Variants in CDKAL1 observed in about 807,000 individuals in gnomAD.
The protein encoded by CDKAL1 is threonylcarbamoyladenosine tRNA methylthiotransferase.
In CDKAL1, 32 loss-of-function variants were observed where a neutral mutation model predicts 68.2. The ratio of observed to expected loss-of-function variants is 0.47; its 90% confidence interval spans 0.35 to 0.63. The LOEUF (loss-of-function observed/expected upper bound fraction) is 0.63, where lower values mean the gene tolerates loss of function less well. Among genes scored for constraint, CDKAL1 ranks in the 30% least tolerant of loss-of-function variants. The pLI is 0.00. For missense variants in CDKAL1, 606 were observed against 696.7 expected, an observed-to-expected ratio of 0.87 and a Z score of 1.47; for synonymous variants, 234 against 244.3, an observed-to-expected ratio of 0.96 and a Z score of 0.39.
chr6:20,907,757 A>C (rs1762295009), intron 9 of CDKAL1, among the ~76,000 whole-genome samples: 1 of 152,118 alleles, frequency 6.6e-6, no homozygotes, highest in Non-Finnish European at 1.5e-5. Context: ...TCAGAAGCTG[A>C]GCACAGCCCA....
At chr6:20,550,503 C>A (rs980943477) in intron 4 of CDKAL1, among the ~76,000 whole-genome samples, 28 of 152,066 alleles carry the variant, frequency 1.8e-4, no homozygotes, top group Admixed American at 6.6e-5. Flanking sequence ...ATTTTCCCTT[C>A]CCCAGTCTTG....
chr6:21,046,724 C>A (rs577934406), intron 11 of CDKAL1, among the ~76,000 whole-genome samples: 12 of 152,266 alleles, frequency 7.9e-5, no homozygotes, highest in Non-Finnish European at 1.6e-4. Flanking sequence ...ATGTGAGTTT[C>A]ACAGGGAAAG....
At chr6:21,135,063 A>G (rs2151025614) in intron 13 of CDKAL1, among the ~76,000 whole-genome samples, 1 of 152,270 alleles carries the variant, frequency 6.6e-6, no homozygotes, top group East Asian at 1.9e-4. Context: ...CTACTGATGT[A>G]GTTCTAGGAA....
rs1278241276 is a variant in CDKAL1, at chr6:20,664,782, G to T, written c.371+15405G>T. Among the ~76,000 whole-genome samples, 3 of 152,062 alleles carry T rather than the reference G, an allele frequency of 2.0e-5. No homozygotes were observed. In the East Asian group the frequency reaches 5.8e-4, roughly 29 times the overall value. ...AAATTCTCTTCTATCTAGGCTGCAAGCTTTTTCTTACTTGTCATTTCAGAT... is the reference window on the plus strand; with the variant it reads ...AAATTCTCTTCTATCTAGGCTGCAATCTTTTTCTTACTTGTCATTTCAGAT... On this transcript the variant is annotated intron_variant, in intron 5 of 15. Coordinates refer to ENST00000274695, the MANE Select transcript of CDKAL1 (RefSeq NM_017774.3).
intron 10 of CDKAL1, among the ~76,000 whole-genome samples, chr6:20,957,354 T>C (rs1384714176): frequency 6.6e-6 from 1 of 152,202 alleles, no homozygotes; most frequent in African/African-American, 2.4e-5. Flanking sequence ...TTGCAGCAGC[T>C]AATACTGTGT....
At chr6:20,693,095 A>G (rs956351537) in intron 5 of CDKAL1, among the ~76,000 whole-genome samples, 1 of 138,456 alleles carries the variant, frequency 7.2e-6, no homozygotes, top group Admixed American at 8.4e-5. Flanking sequence ...GCGCCACTGC[A>G]CTCCAGCCTG....
intron 4 of CDKAL1, among the ~76,000 whole-genome samples, chr6:20,614,127 T>C (rs1766776510): frequency 6.6e-6 from 1 of 152,198 alleles, no homozygotes; most frequent in African/African-American, 2.4e-5. Context: ...TGGGTGACGC[T>C]TACTGATTTG....
At position 20,659,862 on chromosome 6, in the gene CDKAL1, G is replaced by A. The variant is rs76018488; in HGVS notation, c.371+10485G>A. On this transcript the variant is annotated intron_variant, in intron 5 of 15. Coordinates refer to ENST00000274695, the MANE Select transcript of CDKAL1 (RefSeq NM_017774.3). ...CATTATCATTTCTTAGTGTAACAAG[G>A]GTTTTTAAAAAAAATTTGTTCAATG... Among the ~76,000 whole-genome samples the A allele has an allele frequency of 8.7e-3, 1,326 of 152,018 alleles. 23 individuals carry two copies. Among genetic ancestry groups the A allele is most frequent in the African/African-American group, 0.029 (1,198 of 41,436 alleles).
intron 9 of CDKAL1, among the ~76,000 whole-genome samples, chr6:20,858,045 G>T (rs1384898672): frequency 2.0e-5 from 3 of 152,176 alleles, no homozygotes; most frequent in African/African-American, 7.2e-5. Flanking sequence ...TTTTAGTAGA[G>T]ATGGGTTTTT....
At chr6:20,836,913 T>C (rs1777973889) in intron 8 of CDKAL1, among the ~76,000 whole-genome samples, 1 of 152,194 alleles carries the variant, frequency 6.6e-6, no homozygotes, top group African/African-American at 2.4e-5. Flanking sequence ...GTCGCCTTGA[T>C]AGCCAGTGGA....
chr6:20,756,884 CTTCCTT>C (rs1561750363), intron 6 of CDKAL1: 5 of 87,412 alleles, frequency 5.7e-5, no homozygotes, highest in African/African-American at 1.7e-4. Flanking sequence ...TCCTTCCTTC[CTTCCTT>C]CCTTCCTTCC....
intron 13 of CDKAL1, among the ~76,000 whole-genome samples, chr6:21,125,364 CTG>C (rs1774946976): frequency 6.6e-6 from 1 of 152,204 alleles, no homozygotes; most frequent in Non-Finnish European, 1.5e-5. Flanking sequence ...CCATAAGGAA[CTG>C]TGAGTCAATT....
intron 13 of CDKAL1, among the ~76,000 whole-genome samples, chr6:21,142,564 C>T (rs1481394735): frequency 6.6e-6 from 1 of 152,294 alleles, no homozygotes; most frequent in South Asian, 2.1e-4. Flanking sequence ...AGCAACTCAG[C>T]AGGTTATGGG....
At chr6:21,088,496 C>T (rs1277947449) in intron 12 of CDKAL1, among the ~76,000 whole-genome samples, 1 of 152,156 alleles carries the variant, frequency 6.6e-6, no homozygotes, top group Non-Finnish European at 1.5e-5. Context: ...CTTACTTCAA[C>T]CAACTTAATA....
intron 10 of CDKAL1, among the ~76,000 whole-genome samples, chr6:20,996,933 A>T (rs180705172): frequency 2.0e-5 from 3 of 152,222 alleles, no homozygotes; most frequent in African/African-American, 7.2e-5. Context: ...CTGTTTACCT[A>T]CTTGAATATA....
chr6:20,805,741 T>C (rs539522691), intron 8 of CDKAL1, among the ~76,000 whole-genome samples: 73 of 152,238 alleles, frequency 4.8e-4, no homozygotes, highest in African/African-American at 1.7e-3. Flanking sequence ...AAAACGAAAA[T>C]GAGACTATAA....
At chr6:20,700,369 A>AAAAT (rs1554182601) in intron 5 of CDKAL1, among the ~76,000 whole-genome samples, 2 of 149,884 alleles carry the variant, frequency 1.3e-5, no homozygotes. Flanking sequence ...AAAAAAAAAA[A>AAAAT]AAATAAATAA....
chr6:21,224,893 T>TGTCA (rs1215280772), intron 15 of CDKAL1, among the ~76,000 whole-genome samples: 5 of 152,230 alleles, frequency 3.3e-5, no homozygotes, highest in Non-Finnish European at 7.3e-5. Flanking sequence ...CCCATTTACT[T>TGTCA]GTCAGTCTAA....
intron 11 of CDKAL1, among the ~76,000 whole-genome samples, chr6:21,010,120 T>C (rs116429228): frequency 2.0e-5 from 3 of 152,342 alleles, no homozygotes; most frequent in Non-Finnish European, 4.4e-5. Flanking sequence ...ATATGCATAG[T>C]ATTACGTATC....
Sources: gnomAD v4.1 joint callset for allele counts (sites outside exome capture counted in the v4.1 genomes callset) on GRCh38, gnomAD v4.1.1 for gene constraint, MANE v1.5 for transcripts, NCBI Gene and HGNC (gene_info 2026-07-23, HGNC 2026-07-21) for gene names.